The following GOSR2 variants were observed in gnomAD, a reference collection of about 807,000 sequenced individuals.
GOSR2 encodes 27 kDa Golgi SNARE protein.
GOSR2 carries 20 observed loss-of-function variants against 27.9 expected under a neutral mutation model. That is an observed-to-expected ratio of 0.72 (90% confidence interval 0.50 to 1.04). The LOEUF (loss-of-function observed/expected upper bound fraction) is 1.04, where lower values mean the gene tolerates loss of function less well. Ranked by LOEUF, GOSR2 falls within the 50% of genes least tolerant of loss-of-function variation. GOSR2 has a pLI of 0.00. For missense variants in GOSR2, 261 were observed against 270.5 expected, an observed-to-expected ratio of 0.97 and a Z score of 0.25; for synonymous variants, 91 against 98.8, an observed-to-expected ratio of 0.92 and a Z score of 0.47.
Position 46,940,828 on chromosome 17 carries a change from C to T in GOSR2, c.*2068C>T, listed in dbSNP as rs886053082. 8.2e-6 allele frequency: 12 copies of T among 1,462,626 alleles called. No individual in the cohort carries two copies. Among genetic ancestry groups the T allele is most frequent in the South Asian group, 1.4e-5 (1 of 71,726 alleles). 90.6% of individuals were successfully genotyped at this position (1,462,626 alleles called of 1,614,324 possible). On this transcript the variant is annotated 3_prime_UTR_variant, in exon 6 of 6. Coordinates refer to ENST00000640051, the MANE Select transcript of GOSR2 (RefSeq NM_004287.5). ...GTCTTTACCACCTGCGGCTGGTGGA[C>T]AGCAGCCAGTGTGTCTGGACACCCA...
intron 6 of GOSR2, among the ~76,000 whole-genome samples, chr17:46,957,400 G>A (rs2090790165): frequency 6.6e-6 from 1 of 152,138 alleles, no homozygotes. Context: ...ATCACTTGAG[G>A]TCAGGAGTCT....
In GOSR2 at chr17:46,939,971, TAAAATGACACTC is replaced by T. The variant is rs1251333397; in HGVS notation, c.*1217_*1228del. On this transcript the variant is annotated 3_prime_UTR_variant, in exon 6 of 6. Transcript: ENST00000640051. ...GGCACAGCAGCTTCATGGCAAGACATAAAATGACACTCAAAATCCTTCAGATCTGGAAACCGG... is the reference window on the plus strand; with the variant it reads ...GGCACAGCAGCTTCATGGCAAGACATAAAATCCTTCAGATCTGGAAACCGG... 11 of 1,009,304 alleles carry T rather than the reference TAAAATGACACTC, an allele frequency of 1.1e-5. No homozygotes were observed. The highest frequency in any genetic ancestry group is 1.3e-5 in the Non-Finnish European group (11 of 842,966). The allele number at this position is 1,009,304 out of a possible 1,614,324, so 62.5% of individuals were successfully genotyped here. A position where few individuals can be genotyped will look rare whatever the true frequency, so the allele number is the denominator to read the frequency against.
At chr17:46,965,796 T>C (rs2147328433) in intron 6 of GOSR2, among the ~76,000 whole-genome samples, 1 of 147,444 alleles carries the variant, frequency 6.8e-6, no homozygotes, top group South Asian at 2.2e-4. Context: ...CTAATTTTTG[T>C]ATTTTTTTTT....
chr17:46,942,218 C>T (rs117381572), downstream of GOSR2, among the ~76,000 whole-genome samples: 381 of 152,296 alleles, frequency 2.5e-3, no homozygotes, highest in East Asian at 8.3e-3. Flanking sequence ...AAGAAAGAAA[C>T]GTCATCTGTT....
At chr17:46,928,260 T>C (rs1034756387) in intron 1 of GOSR2, among the ~76,000 whole-genome samples, 6 of 152,160 alleles carry the variant, frequency 3.9e-5, no homozygotes, top group African/African-American at 9.7e-5. Context: ...CTGGAGGCCA[T>C]AGGGAAGCCC....
chr17:46,944,818 T>C (rs1255492446), downstream of GOSR2, among the ~76,000 whole-genome samples: 1 of 152,126 alleles, frequency 6.6e-6, no homozygotes. Context: ...CAGGCTGGTC[T>C]CGAACTCCTG....
At chr17:46,975,231 A>T (rs2091437169) in exon 7 of GOSR2, 2 of 152,144 alleles carry the variant, frequency 1.3e-5, no homozygotes, top group Admixed American at 6.5e-5. Flanking sequence ...AGGTTGAGCT[A>T]CTTCTCCAAA....
At chr17:46,943,819 CTG>C (rs1036424459), downstream of GOSR2, among the ~76,000 whole-genome samples, 9 of 152,370 alleles carry the variant, frequency 5.9e-5, no homozygotes, top group South Asian at 2.1e-4. Flanking sequence ...GTGAGGGAAA[CTG>C]TCACTCAGGA....
At chr17:46,931,326 A>T (rs1362642476) in intron 3 of GOSR2, 119 bp downstream of exon 3, 1 of 707,838 alleles carries the variant, frequency 1.4e-6, no homozygotes, top group East Asian at 2.6e-5. Context: ...AACTATGACT[A>T]TGCAAAGAAA....
intron 6 of GOSR2, among the ~76,000 whole-genome samples, chr17:46,959,838 A>G (rs1362521397): frequency 6.6e-6 from 1 of 152,158 alleles, no homozygotes. Context: ...CATTCTTCCC[A>G]CCACTGGAGC....
intron 6 of GOSR2, among the ~76,000 whole-genome samples, chr17:46,949,836 A>T (rs2090196546): frequency 1.3e-5 from 2 of 152,108 alleles, no homozygotes; most frequent in Non-Finnish European, 2.9e-5. Flanking sequence ...GGGCAGGAGG[A>T]TTCTGTGGCT....
chr17:46,935,498 C>A, intron 5 of GOSR2: 1 of 1,336,994 alleles, frequency 7.5e-7, no homozygotes, highest in Non-Finnish European at 9.6e-7. Flanking sequence ...AGAATCTACT[C>A]TTGGAAGAAT....
intron 6 of GOSR2, among the ~76,000 whole-genome samples, chr17:46,959,493 G>C (rs2090931422): frequency 1.3e-5 from 2 of 152,092 alleles, no homozygotes. Flanking sequence ...AGACTTTAGA[G>C]CAAAGGAAAA....
rs2147062150 is a variant in GOSR2, at chr17:46,939,267, T to C, written c.*507T>C. On this transcript the variant is annotated 3_prime_UTR_variant, in exon 6 of 6. Transcript: ENST00000640051. The stretch of plus-strand genomic sequence containing the variant: ...CCTCGTGCTCCTGGCCACCCTCCCC[T>C]GTGCCTCAGTGACATGTAGATGACT... 2 of 1,035,472 alleles carry C rather than the reference T, an allele frequency of 1.9e-6. No individual in the cohort carries two copies. The highest frequency in any genetic ancestry group is 7.4e-5 in the South Asian group (2 of 26,902). The allele number at this position is 1,035,472 out of a possible 1,614,324, so 64.1% of individuals were successfully genotyped here.
intron 1 of GOSR2, 64 bp downstream of exon 1, chr17:46,923,285 G>C (rs1827049135): frequency 6.5e-7 from 1 of 1,549,472 alleles, no homozygotes. Flanking sequence ...CCTGGCTTCT[G>C]GGGCTGAGGC....
At chr17:46,924,922 G>A in intron 1 of GOSR2, among the ~76,000 whole-genome samples, 1 of 152,146 alleles carries the variant, frequency 6.6e-6, no homozygotes, top group East Asian at 1.9e-4. Flanking sequence ...AAAGGATGTT[G>A]CCAAGAAGGC....
rs1306630043 is a variant in GOSR2, at chr17:46,938,648, A to T, written c.527A>T (p.Asn176Ile). The T allele has an allele frequency of 3.7e-6, 6 of 1,614,068 alleles. No homozygotes were observed. Among genetic ancestry groups the T allele is most frequent in the Non-Finnish European group, 5.1e-6 (6 of 1,180,040 alleles). The change falls in exon 6 of 6, where the codon AAC becomes ATC. Residue 176 changes from asparagine (N) to isoleucine (I), a missense_variant. Physicochemically the swap from Asn to Ile is moderately radical, Grantham distance 149. Coordinates refer to ENST00000640051, the MANE Select transcript of GOSR2 (RefSeq NM_004287.5). ...ATTGCCAACATGCTGGGCTTGTCCAACACAGTGATGCGGCTCATCGAGAAG... is the reference window on the plus strand; with the variant it reads ...ATTGCCAACATGCTGGGCTTGTCCATCACAGTGATGCGGCTCATCGAGAAG... ...LDIANMLGLS[N>I]TVMRLIEKRA...
At chr17:46,955,498 C>T (rs946902700) in intron 6 of GOSR2, 1 of 152,126 alleles carries the variant, frequency 6.6e-6, no homozygotes, top group African/African-American at 2.4e-5. Flanking sequence ...GTGTCTCTGC[C>T]AGAGCCCCCC....
At chr17:46,953,841 T>G (rs2090538816) in intron 6 of GOSR2, among the ~76,000 whole-genome samples, 1 of 152,258 alleles carries the variant, frequency 6.6e-6, no homozygotes, top group South Asian at 2.1e-4. Flanking sequence ...TGTCTTCTTT[T>G]GAGAAGTGTA....
Sources: allele counts gnomAD v4.1 joint callset (sites outside exome capture counted in the v4.1 genomes callset), GRCh38; gene constraint gnomAD v4.1.1; transcripts MANE v1.5; gene names NCBI Gene and HGNC (gene_info 2026-07-23, HGNC 2026-07-21).